Variants in CERS6 observed in about 807,000 individuals in gnomAD.
CERS6 encodes ceramide synthase 6, also known as LAG1 homolog, ceramide synthase 6.
Under a neutral mutation model 56.8 loss-of-function variants are expected in CERS6, and 26 were observed. The observed-to-expected ratio is 0.46, with a 90% CI of 0.34 to 0.63. The LOEUF (loss-of-function observed/expected upper bound fraction) is 0.63. Ranked by LOEUF, CERS6 falls within the 30% of genes least tolerant of loss-of-function variation. CERS6 has a pLI of 0.01. For missense variants in CERS6, 415 were observed against 467.5 expected, an observed-to-expected ratio of 0.89 and a Z score of 1.04; for synonymous variants, 164 against 173.3, an observed-to-expected ratio of 0.95 and a Z score of 0.42.
chr2:168,677,052 G>C (rs553410990), intron 4 of CERS6, among the ~76,000 whole-genome samples: 29 of 149,018 alleles, frequency 1.9e-4, no homozygotes, highest in African/African-American at 7.2e-4. Context: ...TAAGTTCTGG[G>C]ATACATGTGC....
intron 1 of CERS6, among the ~76,000 whole-genome samples, chr2:168,530,659 A>C (rs1695150306): frequency 6.6e-6 from 1 of 152,220 alleles, no homozygotes; most frequent in Non-Finnish European, 1.5e-5. Context: ...GTGAACTCAT[A>C]ATGAAATATC....
chr2:168,690,152 A>G (rs988391673), intron 4 of CERS6, among the ~76,000 whole-genome samples: 1 of 152,214 alleles, frequency 6.6e-6, no homozygotes, highest in African/African-American at 2.4e-5. Flanking sequence ...CCTCATTCCT[A>G]TGATACAGGG....
At chr2:168,563,995 CT>C (rs1484022729) in intron 3 of CERS6, among the ~76,000 whole-genome samples, 4 of 152,034 alleles carry the variant, frequency 2.6e-5, no homozygotes, top group African/African-American at 9.7e-5. Flanking sequence ...TCTCTTCTTC[CT>C]TGGTTTCTGA....
chr2:168,522,685 T>G (rs1695003267), intron 1 of CERS6, among the ~76,000 whole-genome samples: 1 of 152,120 alleles, frequency 6.6e-6, no homozygotes, highest in Non-Finnish European at 1.5e-5. Flanking sequence ...ACTACTGGCA[T>G]GTACCACTGC....
chr2:168,591,946 G>C (rs1016192345), intron 3 of CERS6, among the ~76,000 whole-genome samples: 1 of 152,190 alleles, frequency 6.6e-6, no homozygotes, highest in African/African-American at 2.4e-5. Flanking sequence ...TCAGAGCGGG[G>C]AATAGCAGGA....
intron 8 of CERS6, among the ~76,000 whole-genome samples, chr2:168,755,303 G>C (rs1044780555): frequency 2.6e-5 from 4 of 152,170 alleles, no homozygotes; most frequent in African/African-American, 9.7e-5. Context: ...CTTCCAAACA[G>C]AAGGAAATAT....
intron 8 of CERS6, among the ~76,000 whole-genome samples, chr2:168,719,723 C>A (rs1687312217): frequency 6.6e-6 from 1 of 152,160 alleles, no homozygotes; most frequent in South Asian, 2.1e-4. Flanking sequence ...CAGCATACAC[C>A]ATGATTAGCC....
In CERS6 at chr2:168,713,239, G is replaced by C. The variant is rs201579048; in HGVS notation, c.610-1762G>C. On this transcript the variant is annotated intron_variant, in intron 6 of 9. Transcript: ENST00000305747. ...CTCCCCTAGATTTAACCTACATGTT[G>C]TGCTTTTTCATAATCACGATGTGCT... is the stretch of plus-strand genomic sequence containing the variant. 2.6e-5 allele frequency among the ~76,000 whole-genome samples: 4 copies of C among 152,232 alleles called. No homozygotes were observed. The East Asian group carries it at 7.7e-4, about 29-fold the overall frequency.
At chr2:168,613,494 A>G (rs1684237020) in intron 3 of CERS6, among the ~76,000 whole-genome samples, 1 of 152,210 alleles carries the variant, frequency 6.6e-6, no homozygotes. Flanking sequence ...ACAAGGTGGA[A>G]TGGCCAGTTG....
chr2:168,678,160 AG>A (rs1229642205), intron 4 of CERS6, among the ~76,000 whole-genome samples: 2 of 152,214 alleles, frequency 1.3e-5, no homozygotes, highest in Non-Finnish European at 2.9e-5. Context: ...TTTTACCATC[AG>A]TACAAATATC....
intron 3 of CERS6, among the ~76,000 whole-genome samples, chr2:168,568,157 G>A (rs1232610780): frequency 1.3e-5 from 2 of 152,180 alleles, no homozygotes; most frequent in African/African-American, 4.8e-5. Flanking sequence ...GGTCAGGCTG[G>A]CTGCACATTA....
intron 8 of CERS6, among the ~76,000 whole-genome samples, chr2:168,749,817 G>A (rs1684209315): frequency 6.6e-6 from 1 of 152,242 alleles, no homozygotes; most frequent in African/African-American, 2.4e-5. Context: ...GGGCAAGCCG[G>A]AGGTAGAAGA....
chr2:168,607,044 AAT>A (rs1372710139), intron 3 of CERS6, among the ~76,000 whole-genome samples: 1 of 152,188 alleles, frequency 6.6e-6, no homozygotes, highest in Admixed American at 6.5e-5. Context: ...TTTCTTTATA[AAT>A]TACCCAGTCT....
chr2:168,551,997 G>C (rs1390503794), intron 2 of CERS6, among the ~76,000 whole-genome samples: 1 of 152,044 alleles, frequency 6.6e-6, no homozygotes, highest in Non-Finnish European at 1.5e-5. Flanking sequence ...TAAGCCATGG[G>C]GGTGAGAATA....
intron 1 of CERS6, among the ~76,000 whole-genome samples, chr2:168,512,779 T>G (rs1213748051): frequency 6.6e-6 from 1 of 151,850 alleles, no homozygotes; most frequent in South Asian, 2.1e-4. Flanking sequence ...GCGATTCTCC[T>G]GCTTCAGCCT....
At chr2:168,611,544 A>T (rs1402656404) in intron 3 of CERS6, among the ~76,000 whole-genome samples, 1 of 152,246 alleles carries the variant, frequency 6.6e-6, no homozygotes, top group Non-Finnish European at 1.5e-5. Context: ...TACTTTGTTC[A>T]TCTGTACATC....
chr2:168,661,860 A>T (rs1020353291), intron 4 of CERS6, among the ~76,000 whole-genome samples: 2 of 152,248 alleles, frequency 1.3e-5, no homozygotes, highest in East Asian at 3.8e-4. Context: ...CTGGATGGAA[A>T]TGTTACACTG....
intron 3 of CERS6, among the ~76,000 whole-genome samples, chr2:168,630,341 A>C (rs1047618777): frequency 1.3e-5 from 2 of 151,812 alleles, no homozygotes; most frequent in Non-Finnish European, 2.9e-5. Context: ...CACATCTTAT[A>C]TTTTAAAAGA....
chr2:168,525,169 T>C (rs1695049447), intron 1 of CERS6, among the ~76,000 whole-genome samples: 1 of 152,222 alleles, frequency 6.6e-6, no homozygotes, highest in South Asian at 2.1e-4. Context: ...ACCAGTCTGT[T>C]CAAGTCCAGG....
Sources: gnomAD v4.1 joint callset for allele counts (sites outside exome capture counted in the v4.1 genomes callset) on GRCh38, gnomAD v4.1.1 for gene constraint, MANE v1.5 for transcripts, NCBI Gene and HGNC (gene_info 2026-07-23, HGNC 2026-07-21) for gene names.